BTD: variants seen among roughly 807,000 people sequenced by gnomAD.
BTD encodes biocytinase.
Under a neutral mutation model 17.7 loss-of-function variants are expected in BTD, and 13 were observed. That is an observed-to-expected ratio of 0.74 (90% CI 0.48 to 1.17). BTD has a LOEUF of 1.17. Among genes scored for constraint, BTD ranks in the 50% most tolerant of loss-of-function variants. The pLI, the probability that BTD is intolerant of heterozygous loss-of-function variation, is 0.00. For missense variants in BTD, 674 were observed against 650.4 expected (o/e 1.04, Z -0.39); for synonymous variants, 240 against 245.2 (o/e 0.98, Z 0.20).
chr3:15,681,719 TTTCTC>T (rs1464653523), intron 3 of BTD, among the ~76,000 whole-genome samples: 11 of 152,298 alleles, frequency 7.2e-5, no homozygotes, highest in African/African-American at 2.6e-4. Flanking sequence ...TGTCAGTTCT[TTTCTC>T]TAATCTAGTA....
At chr3:15,629,943 A>G (rs892230253) in intron 1 of BTD, 6 of 580,094 alleles carry the variant, frequency 1.0e-5, no homozygotes, top group Admixed American at 6.3e-5. Context: ...TGGATATTCA[A>G]ACGGTTTATA....
At chr3:15,604,474 G>A (rs962846089) in intron 1 of BTD, among the ~76,000 whole-genome samples, 2 of 152,202 alleles carry the variant, frequency 1.3e-5, no homozygotes, top group Non-Finnish European at 2.9e-5. Flanking sequence ...TAGGTTTCTG[G>A]GCCTGTGATG....
In BTD at chr3:15,635,449, G is replaced by T; in HGVS notation, c.10G>T (p.Ala4Ser). The stretch of plus-strand genomic sequence containing the variant: ...ATTTGTGGTCTGCATTATGTCTGGA[G>T]CCAGAAGTAAGCTTGCTCTTTTCCT... MSGARSKLALFLCG... is the reference protein window; with the variant it reads MSGSRSKLALFLCG... The change falls in exon 2 of 4, where the codon GCC becomes TCC. Residue 4 changes from alanine to serine, a missense_variant. Coordinates refer to ENST00000643237, the MANE Select transcript of BTD (RefSeq NM_001370658.1). The surrounding 1 kb of genome is among the most constrained non-coding windows in gnomAD (Gnocchi z 4.1). 1 of 1,614,238 alleles carries T rather than the reference G, an allele frequency of 6.2e-7. No homozygotes were observed. The highest frequency in any genetic ancestry group is 8.5e-7 in the Non-Finnish European group (1 of 1,180,042).
At chr3:15,689,372 T>C (rs9864650) in intron 3 of BTD, among the ~76,000 whole-genome samples, 6,276 of 152,212 alleles carry the variant, frequency 0.041, 420 homozygotes, top group African/African-American at 0.14. Flanking sequence ...AGGTGTGACA[T>C]AGAATTGGCC....
At chr3:15,685,240 C>G in intron 3 of BTD, 1 of 1,613,944 alleles carries the variant, frequency 6.2e-7, no homozygotes. Flanking sequence ...GTAGCAAGCC[C>G]AGTGAAGTGC....
chr3:15,610,538 C>G (rs2064588287), intron 1 of BTD, among the ~76,000 whole-genome samples: 1 of 152,184 alleles, frequency 6.6e-6, no homozygotes, highest in South Asian at 2.1e-4. Flanking sequence ...TAATATAGTT[C>G]ATTCTCATCC....
intron 3 of BTD, among the ~76,000 whole-genome samples, chr3:15,704,588 A>C (rs986771969): frequency 6.6e-6 from 1 of 152,198 alleles, no homozygotes; most frequent in East Asian, 1.9e-4. Context: ...CTCTTCTTTT[A>C]GAAAATATTT....
rs531981188 is a variant in BTD at position 15,601,907 on chromosome 3, C to A, written c.-17+13C>A. 1 of 1,613,072 alleles carries A rather than the reference C, an allele frequency of 6.2e-7. No homozygotes were observed. Among genetic ancestry groups the A allele is most frequent in the South Asian group, 1.1e-5 (1 of 91,032 alleles). On this transcript the variant is annotated intron_variant, in intron 1 of 3. Transcript: ENST00000643237. ...GCGCTAAGAGCAGGTACGGAGGGGG[C>A]GTGGTGCGGCGCGGAGGGGGTGTGG...
intron 3 of BTD, 86 bp from the exon 4 acceptor site, chr3:15,644,230 G>A (rs1051693660): frequency 2.9e-6 from 4 of 1,392,368 alleles, no homozygotes; most frequent in South Asian, 1.2e-5. Context: ...TCAATCTCCT[G>A]ACCTCATGAT....
At chr3:15,604,721 A>G (rs1164788302) in intron 1 of BTD, among the ~76,000 whole-genome samples, 1 of 152,120 alleles carries the variant, frequency 6.6e-6, no homozygotes, top group Admixed American at 6.6e-5. Flanking sequence ...CAGATACCCT[A>G]AATCATCTCT....
intron 1 of BTD, among the ~76,000 whole-genome samples, chr3:15,614,518 A>G (rs78586129): frequency 0.043 from 6,471 of 151,464 alleles, 394 homozygotes; most frequent in African/African-American, 0.14. Flanking sequence ...TCTGTGGTAC[A>G]TTCTAAACAA....
chr3:15,628,239 T>C (rs567151409), intron 1 of BTD, among the ~76,000 whole-genome samples: 2 of 152,352 alleles, frequency 1.3e-5, no homozygotes, highest in Middle Eastern at 3.4e-3. Flanking sequence ...AGATTCTGTA[T>C]CCACCACAGG....
At chr3:15,621,030 A>T (rs553220842) in intron 1 of BTD, among the ~76,000 whole-genome samples, 287 of 152,368 alleles carry the variant, frequency 1.9e-3, no homozygotes, top group Admixed American at 4.4e-3. Context: ...TCTAACACGC[A>T]AGGGCAGGAG....
At chr3:15,694,729 C>A (rs2069289840) in intron 3 of BTD, 1 of 1,612,014 alleles carries the variant, frequency 6.2e-7, no homozygotes, top group Non-Finnish European at 8.5e-7. Flanking sequence ...GCTATGAAGG[C>A]AGTACTCACA....
chr3:15,630,469 A>G (rs1192310967), intron 1 of BTD, among the ~76,000 whole-genome samples: 1 of 152,232 alleles, frequency 6.6e-6, no homozygotes, highest in Non-Finnish European at 1.5e-5. Context: ...CATTTCAGGA[A>G]GAAGTTTTAT....
At chr3:15,656,040 T>A (rs2125536995), downstream of BTD, among the ~76,000 whole-genome samples, 1 of 152,288 alleles carries the variant, frequency 6.6e-6, no homozygotes, top group East Asian at 1.9e-4. Context: ...TGACCTCAAG[T>A]GATCCACCCA....
chr3:15,688,821 A>G lies in BTD; in HGVS notation c.400-21239A>G, dbSNP rs79108543. ...ATTTTAACGTATCTGCTACATCATA[A>G]TATCACAATATGGAATAGTTCTTGC... On this transcript the variant is annotated intron_variant, in intron 3 of 3. Transcript: ENST00000672141. Among the ~76,000 whole-genome samples, 665 of 152,326 alleles carry G rather than the reference A, an allele frequency of 4.4e-3. 8 individuals carry two copies. The highest frequency in any genetic ancestry group is 0.023 in the East Asian group (121 of 5,178).
At chr3:15,624,750 T>TCTCCCTCTGTCAC in intron 1 of BTD, among the ~76,000 whole-genome samples, 1 of 152,260 alleles carries the variant, frequency 6.6e-6, no homozygotes, top group South Asian at 2.1e-4. Flanking sequence ...TGAGACAAAG[T>TCTCCCTCTGTCAC]CTCCCTCTGT....
chr3:15,625,787 C>A (rs2065053039), intron 1 of BTD, among the ~76,000 whole-genome samples: 1 of 152,112 alleles, frequency 6.6e-6, no homozygotes, highest in Non-Finnish European at 1.5e-5. Context: ...GATCTCTTGA[C>A]CTCGTGATCT....
Sources: allele counts gnomAD v4.1 joint callset (sites outside exome capture counted in the v4.1 genomes callset), GRCh38; gene constraint gnomAD v4.1.1; non-coding constraint Gnocchi (gnomAD v3.1); transcripts MANE v1.5; gene names NCBI Gene and HGNC (gene_info 2026-07-23, HGNC 2026-07-21).